The following ZNF521 variants were observed in gnomAD, a reference collection of about 807,000 sequenced individuals.
ZNF521 encodes LYST-interacting protein 3.
ZNF521 carries 14 observed loss-of-function variants against 105.5 expected under a neutral mutation model. The ratio of observed to expected loss-of-function variants is 0.13; its 90% CI spans 0.09 to 0.21. ZNF521 has a LOEUF of 0.21. Ranked by LOEUF, ZNF521 falls within the 10% of genes least tolerant of loss-of-function variation. The pLI is 1.00. For synonymous variants in ZNF521, 635 were observed against 606.0 expected (o/e 1.05, Z -0.70); for missense variants, 1,233 against 1,629.7 (o/e 0.76, Z 4.19).
chr18:25,237,234 A>G (rs1906960029), intron 3 of ZNF521, among the ~76,000 whole-genome samples: 1 of 152,204 alleles, frequency 6.6e-6, no homozygotes, highest in South Asian at 2.1e-4. Context: ...AGAATAGACT[A>G]AGTGATTTAT....
chr18:25,344,520 G>A (rs1914376375), intron 2 of ZNF521, among the ~76,000 whole-genome samples: 1 of 152,134 alleles, frequency 6.6e-6, no homozygotes, highest in African/African-American at 2.4e-5. Flanking sequence ...AGATTTAATT[G>A]AAATGGAATT....
At chr18:25,267,610 C>G (rs920034893) in intron 3 of ZNF521, among the ~76,000 whole-genome samples, 2 of 152,154 alleles carry the variant, frequency 1.3e-5, no homozygotes, top group African/African-American at 4.8e-5. Context: ...TGTTCCGCAG[C>G]CTCTGCTGGT....
At chr18:25,210,636 T>C (rs1460330565) in intron 4 of ZNF521, among the ~76,000 whole-genome samples, 1 of 152,212 alleles carries the variant, frequency 6.6e-6, no homozygotes, top group East Asian at 1.9e-4. Flanking sequence ...TTTAGAGAAA[T>C]GCTTCCTTCT....
At chr18:25,350,640 T>C (rs562436839) in intron 2 of ZNF521, among the ~76,000 whole-genome samples, 211 of 150,622 alleles carry the variant, frequency 1.4e-3, no homozygotes, top group African/African-American at 4.2e-3. Flanking sequence ...CTCTCTCTCT[T>C]TTTTTTTTTC....
intron 5 of ZNF521, among the ~76,000 whole-genome samples, chr18:25,101,862 A>G (rs2033971414): frequency 6.6e-6 from 1 of 152,218 alleles, no homozygotes; most frequent in African/African-American, 2.4e-5. Context: ...CAATAATGAT[A>G]AATGAATTTC....
intron 7 of ZNF521, among the ~76,000 whole-genome samples, chr18:25,084,165 A>G (rs2144183276): frequency 6.6e-6 from 1 of 151,198 alleles, no homozygotes; most frequent in Admixed American, 6.6e-5. Context: ...TGTAATTCTG[A>G]CTATTAACAA....
intron 3 of ZNF521, among the ~76,000 whole-genome samples, chr18:25,262,824 G>C (rs1909001087): frequency 6.6e-6 from 1 of 152,232 alleles, no homozygotes; most frequent in African/African-American, 2.4e-5. Flanking sequence ...GTCTGGGATG[G>C]TTTGAGCAGC....
intron 7 of ZNF521, among the ~76,000 whole-genome samples, chr18:25,074,669 T>C (rs1341342628): frequency 6.6e-6 from 1 of 152,194 alleles, no homozygotes; most frequent in Non-Finnish European, 1.5e-5. Flanking sequence ...TTATACTCTT[T>C]AAGGTCTTAA....
intron 5 of ZNF521, among the ~76,000 whole-genome samples, chr18:25,116,439 G>T (rs1215628400): frequency 6.6e-6 from 1 of 152,046 alleles, no homozygotes; most frequent in African/African-American, 2.4e-5. Flanking sequence ...CTAACAAAAG[G>T]TAACCCCTTA....
chr18:25,285,556 C>T (rs62083937), intron 3 of ZNF521, among the ~76,000 whole-genome samples: 2 of 152,134 alleles, frequency 1.3e-5, no homozygotes, highest in African/African-American at 2.4e-5. Flanking sequence ...ATACATTACC[C>T]GAGGACAGGC....
At chr18:25,281,374 C>G (rs1168501689) in intron 3 of ZNF521, among the ~76,000 whole-genome samples, 2 of 152,176 alleles carry the variant, frequency 1.3e-5, no homozygotes, top group East Asian at 3.8e-4. Flanking sequence ...GTGGGAGGGT[C>G]TTGCTTTCTA....
At chr18:25,123,761 C>A (rs1030592680) in intron 5 of ZNF521, among the ~76,000 whole-genome samples, 5 of 152,192 alleles carry the variant, frequency 3.3e-5, no homozygotes, top group Non-Finnish European at 5.9e-5. Context: ...CTATAAGAAA[C>A]ATGAATTCCA....
intron 5 of ZNF521, among the ~76,000 whole-genome samples, chr18:25,165,484 A>AGT (rs1353350551): frequency 1.3e-5 from 2 of 152,222 alleles, no homozygotes; most frequent in Non-Finnish European, 2.9e-5. Flanking sequence ...TTCCTCATAC[A>AGT]GTGTGAGCAG....
rs552425737 is a variant in ZNF521, at chr18:25,346,472, T to A, written c.40+4435A>T. Among the ~76,000 whole-genome samples the A allele has an allele frequency of 2.0e-5, 3 of 152,326 alleles. No homozygotes were observed. The East Asian group carries it at 5.8e-4, about 29-fold the overall frequency. Reference sequence around the variant, plus strand: ...TTTTTAGAGCTTTTCCACTAGAGAATACAGCCTAATACACAGGTTTTCTTA... The same window carrying A: ...TTTTTAGAGCTTTTCCACTAGAGAAAACAGCCTAATACACAGGTTTTCTTA... On this transcript the variant is annotated intron_variant, in intron 2 of 7. Coordinates refer to ENST00000361524, the MANE Select transcript of ZNF521 (RefSeq NM_015461.3).
chr18:25,247,175 T>C (rs560004440), intron 3 of ZNF521, among the ~76,000 whole-genome samples: 17 of 152,294 alleles, frequency 1.1e-4, no homozygotes, highest in African/African-American at 4.1e-4. Context: ...AATAGTTCAC[T>C]GACTAATGAA....
intron 7 of ZNF521, among the ~76,000 whole-genome samples, chr18:25,063,714 T>C (rs1446409710): frequency 6.6e-6 from 1 of 152,088 alleles, no homozygotes; most frequent in Non-Finnish European, 1.5e-5. Context: ...TGGTCACAGA[T>C]CTGCAGGATA....
intron 2 of ZNF521, chr18:25,327,688 G>A: frequency 1.9e-6 from 1 of 518,926 alleles, no homozygotes; most frequent in South Asian, 1.4e-5. Context: ...ATTCTAACTT[G>A]AAATCCCATA....
At chr18:25,232,027 A>G (rs1906569688) in intron 3 of ZNF521, among the ~76,000 whole-genome samples, 5 of 152,210 alleles carry the variant, frequency 3.3e-5, no homozygotes, top group Admixed American at 3.3e-4. Flanking sequence ...TTAACTGCCC[A>G]TCGGGGACTC....
intron 7 of ZNF521, among the ~76,000 whole-genome samples, chr18:25,082,089 C>T (rs2033508978): frequency 1.3e-5 from 2 of 152,136 alleles, no homozygotes; most frequent in Admixed American, 1.3e-4. Flanking sequence ...TCAATTTAAC[C>T]ACTGAGCAAA....
Sources: gnomAD v4.1 joint callset for allele counts (sites outside exome capture counted in the v4.1 genomes callset) on GRCh38, gnomAD v4.1.1 for gene constraint, MANE v1.5 for transcripts, NCBI Gene and HGNC (gene_info 2026-07-23, HGNC 2026-07-21) for gene names.